The following RABL2A variants were observed in gnomAD, a reference collection of about 807,000 sequenced individuals.
The protein encoded by RABL2A is rab-like protein 2A.
A neutral mutation model predicts 30.7 loss-of-function variants in RABL2A; 17 were observed. That is an observed-to-expected ratio of 0.55 (90% CI 0.38 to 0.83). The LOEUF is 0.83. RABL2A is among the 40% of genes least tolerant of loss of function. The pLI is 0.00. For missense variants in RABL2A, 155 were observed against 272.6 expected, an observed-to-expected ratio of 0.57 and a Z score of 3.04; for synonymous variants, 64 against 101.8, an observed-to-expected ratio of 0.63 and a Z score of 2.24.
At chr2:113,634,296 G>A (rs1681624673) in intron 4 of RABL2A, 64 bp downstream of exon 4, 1 of 1,562,628 alleles carries the variant, frequency 6.4e-7, no homozygotes, top group Admixed American at 1.9e-5. Context: ...ACGAGGGGAG[G>A]TGAGGCAAGG....
chr2:113,635,914 G>A lies in RABL2A; in HGVS notation c.297+784G>A, dbSNP rs793075. Among the ~76,000 whole-genome samples, 4 of 144,894 alleles carry A rather than the reference G, an allele frequency of 2.8e-5. 1 individual carries two copies. Among genetic ancestry groups the A allele is most frequent in the Admixed American group, 6.8e-5 (1 of 14,688 alleles). ...CTGAGGTCAGCAGTTTGAGACCAGC[G>A]TGGCCAACATGGTGAAATCCCGTCT... is the stretch of plus-strand genomic sequence containing the variant. On this transcript the variant is annotated intron_variant, in intron 5 of 8. Coordinates refer to ENST00000683472, the MANE Select transcript of RABL2A (RefSeq NM_001306158.2).
intron 3 of RABL2A, chr2:113,633,815 G>T (rs1203067838): frequency 6.4e-6 from 2 of 314,344 alleles, no homozygotes; most frequent in Non-Finnish European, 1.2e-5. Flanking sequence ...GCCTGCGAAA[G>T]CTCCATCCAT....
chr2:113,642,230 T>G lies in RABL2A; in HGVS notation c.*101T>G, dbSNP rs1685470860. On this transcript the variant is annotated 3_prime_UTR_variant, in exon 9 of 9. Coordinates refer to ENST00000683472, the MANE Select transcript of RABL2A (RefSeq NM_001306158.2). ...AAACTCTCTAGGCCATCCCCTCTTC[T>G]ACCTCCTGCAACCCACCCATCCTAT... 5 of 1,485,178 alleles carry G rather than the reference T, an allele frequency of 3.4e-6. No individual in the cohort carries two copies. The South Asian group carries it at 5.6e-5, about 16-fold the overall frequency. The allele number at this position is 1,485,178 out of a possible 1,614,324, so 92.0% of individuals were successfully genotyped here.
Position 113,640,983 on chromosome 2 carries a change from C to T in RABL2A, c.387C>T (p.Ile129=), listed in dbSNP as rs752073537. ...LREFRPEIPC[I]VVANKIDADI... ...AGTTCAGGCCAGAGATCCCATGCAT[C>T]GTGGTGGCCAATAAAATTGATGGTG... is the stretch of plus-strand genomic sequence containing the variant. The change falls in exon 6 of 9, where the codon ATC becomes ATT. Residue 129 remains isoleucine, a synonymous_variant. Coordinates refer to ENST00000683472, the MANE Select transcript of RABL2A (RefSeq NM_001306158.2). The T allele has an allele frequency of 3.0e-5, 48 of 1,613,560 alleles. No homozygotes were observed. Among genetic ancestry groups the T allele is most frequent in the Non-Finnish European group, 3.4e-5 (40 of 1,179,796 alleles).
At chr2:113,637,560 G>A in intron 5 of RABL2A, 1 of 1,206,214 alleles carries the variant, frequency 8.3e-7, no homozygotes, top group Non-Finnish European at 1.1e-6. Context: ...GATGGTAAAG[G>A]AAGGAACTCG....
intron 5 of RABL2A, chr2:113,640,375 T>C (rs948311217): frequency 1.3e-5 from 2 of 157,568 alleles, no homozygotes; most frequent in African/African-American, 2.4e-5. Context: ...AAGGAATACG[T>C]TATTTATTTG....
At position 113,642,115 on chromosome 2, in the gene RABL2A, T is replaced by C; in HGVS notation, c.676T>C (p.Ser226Pro). The C allele has an allele frequency of 6.2e-7, 1 of 1,613,644 alleles. No individual in the cohort carries two copies. The highest frequency in any genetic ancestry group is 8.5e-7 in the Non-Finnish European group (1 of 1,179,832). ...CGAGACCCCATCAGAGGAGGTGGCCTCTCCCCACAGCTGAGGGGCTGGGGC... is the reference window on the plus strand; with the variant it reads ...CGAGACCCCATCAGAGGAGGTGGCCCCTCCCCACAGCTGAGGGGCTGGGGC... The part of the protein sequence containing the change: ...SIETPSEEVA[S>P]PHS Residue 226 changes from serine to proline, a missense_variant, in exon 9 of 9, where the codon TCT becomes CCT. Coordinates refer to ENST00000683472, the MANE Select transcript of RABL2A (RefSeq NM_001306158.2).
rs557151949 is a variant in RABL2A, at chr2:113,635,076, G to T, written c.243G>T (p.Glu81Asp). Reference sequence around the variant, plus strand: ...ACTTTTGGGACACGGCAGGCCAGGAGCGGTTCCAGAGCATGCATGCCTCCT... The same window carrying T: ...ACTTTTGGGACACGGCAGGCCAGGATCGGTTCCAGAGCATGCATGCCTCCT... Reference protein sequence around the residue: ...LVDFWDTAGQERFQSMHASYY... With the variant: ...LVDFWDTAGQDRFQSMHASYY... Residue 81 changes from glutamate to aspartate, a missense_variant, in exon 5 of 9, where the codon GAG becomes GAT. By Grantham distance (45) the Glu-to-Asp change is conservative. This residue lies in a region of RABL2A where 82 missense variants were observed against 103.2 expected (regional missense o/e 0.79). Transcript: ENST00000683472. 82 of 1,614,230 alleles carry T rather than the reference G, an allele frequency of 5.1e-5. No individual in the cohort carries two copies. In the South Asian group the frequency reaches 7.8e-4, roughly 15 times the overall value.
chr2:113,634,353 G>A, intron 4 of RABL2A, 121 bp downstream of exon 4: 3 of 1,319,464 alleles, frequency 2.3e-6, no homozygotes, highest in Non-Finnish European at 3.2e-6. Flanking sequence ...CCCAGGCAGG[G>A]ACAAGGGGTG....
At chr2:113,630,142 G>A (rs1430438099) in intron 2 of RABL2A, among the ~76,000 whole-genome samples, 1 of 152,152 alleles carries the variant, frequency 6.6e-6, no homozygotes, top group Non-Finnish European at 1.5e-5. Context: ...TAGTTAACTT[G>A]ACGTCAAAGA....
chr2:113,634,583 T>C (rs1681748480), intron 4 of RABL2A: 1 of 426,524 alleles, frequency 2.3e-6, no homozygotes. Context: ...CTCAGCCAGT[T>C]TGAAAAAATA....
rs139376080 is a variant in RABL2A at position 113,633,070 on chromosome 2, C to A, written c.137+126C>A. 4 of 1,464,504 alleles carry A rather than the reference C, an allele frequency of 2.7e-6. No homozygotes were observed. The South Asian group carries it at 3.4e-5, about 13-fold the overall frequency. The allele number at this position is 1,464,504 out of a possible 1,614,324, so 90.7% of individuals were successfully genotyped here. On this transcript the variant is annotated intron_variant, in intron 3 of 8. Transcript: ENST00000683472. ...CAGGAAGGAGGATTGGGTAAGTGAA[C>A]GCACAGGTTTTGTTCTGCACTTGTT...
intron 5 of RABL2A, among the ~76,000 whole-genome samples, chr2:113,635,935 C>T (rs1232031301): frequency 6.7e-6 from 1 of 149,802 alleles, no homozygotes; most frequent in South Asian, 2.1e-4. Flanking sequence ...GGTGAAATCC[C>T]GTCTCTACTA....
Position 113,640,973 on chromosome 2 carries a change from T to C in RABL2A, c.377T>C (p.Ile126Thr). ...GAGCTTCGGGAGTTCAGGCCAGAGA[T>C]CCCATGCATCGTGGTGGCCAATAAA... ...YTELREFRPE[I>T]PCIVVANKID... The change falls in exon 6 of 9, where the codon ATC becomes ACC. Residue 126 changes from isoleucine (I) to threonine (T), a missense_variant. By Grantham distance (89) the Ile-to-Thr change is moderately conservative (BLOSUM62 -1). Transcript: ENST00000683472. 6.2e-7 allele frequency: 1 copy of C among 1,613,686 alleles called. No individual in the cohort carries two copies. The highest frequency in any genetic ancestry group is 1.1e-5 in the South Asian group (1 of 91,048).
At chr2:113,634,654 C>G (rs561056410) in intron 4 of RABL2A, 1 of 409,006 alleles carries the variant, frequency 2.4e-6, no homozygotes, top group East Asian at 5.5e-5. Context: ...TCATAATCTT[C>G]TCCTTGGCCG....
intron 5 of RABL2A, chr2:113,638,470 G>A (rs1683793792): frequency 1.0e-6 from 1 of 985,402 alleles, no homozygotes; most frequent in Non-Finnish European, 1.2e-6. Context: ...AGGAGCTCCT[G>A]TGAAGGGCAT....
At chr2:113,639,650 G>A (rs1684350709) in intron 5 of RABL2A, among the ~76,000 whole-genome samples, 1 of 151,488 alleles carries the variant, frequency 6.6e-6, no homozygotes, top group Non-Finnish European at 1.5e-5. Context: ...GAGATCAAGA[G>A]TTCGAGACCA....
At position 113,635,131 on chromosome 2, in the gene RABL2A, G is replaced by T. The variant is rs780522050; in HGVS notation, c.297+1G>T. 3.1e-6 allele frequency: 5 copies of T among 1,614,140 alleles called. No homozygotes were observed. Among genetic ancestry groups the T allele is most frequent in the Non-Finnish European group, 4.2e-6 (5 of 1,180,018 alleles). On this transcript the variant is annotated splice_donor_variant, in intron 5 of 8. Coordinates refer to ENST00000683472, the MANE Select transcript of RABL2A (RefSeq NM_001306158.2). LOFTEE classifies it high-confidence loss of function. ...CCACAAGGCCCATGCCTGCATCATG[G>T]TACGAGACGGTGGGGAGGTGGACAA...
At chr2:113,636,267 C>T (rs1169740086) in intron 5 of RABL2A, among the ~76,000 whole-genome samples, 1 of 152,122 alleles carries the variant, frequency 6.6e-6, no homozygotes, top group African/African-American at 2.4e-5. Flanking sequence ...ACACAAAACC[C>T]CAAAACTTGG....
Sources: gnomAD v4.1 joint callset for allele counts (sites outside exome capture counted in the v4.1 genomes callset) on GRCh38, gnomAD v4.1.1 for gene constraint, gnomAD v4.1.1 regional missense constraint, MANE v1.5 for transcripts, NCBI Gene and HGNC (gene_info 2026-07-23, HGNC 2026-07-21) for gene names.